The following B3GALT1 variants were observed in gnomAD, a reference collection of about 807,000 sequenced individuals.
B3GALT1 encodes the protein UDP-Gal:betaGlcNAc beta 1,3-galactosyltransferase, polypeptide 1.
In B3GALT1, 10 loss-of-function variants were observed where a neutral mutation model predicts 23.2. That is an observed-to-expected ratio of 0.43 (90% CI 0.27 to 0.73). The LOEUF is 0.73. B3GALT1 is among the 30% of genes least tolerant of loss of function. The pLI, the probability that B3GALT1 is intolerant of heterozygous loss-of-function variation, is 0.21. For missense variants in B3GALT1, 299 were observed against 405.4 expected, an observed-to-expected ratio of 0.74 and a Z score of 2.25; for synonymous variants, 156 against 141.5, an observed-to-expected ratio of 1.10 and a Z score of -0.73.
At chr2:167,858,261 T>C (rs1439343806) in intron 4 of B3GALT1, among the ~76,000 whole-genome samples, 1 of 151,674 alleles carries the variant, frequency 6.6e-6, no homozygotes, top group Non-Finnish European at 1.5e-5. Flanking sequence ...ATATAGGCTC[T>C]GTCAAGTAAA....
intron 2 of B3GALT1, among the ~76,000 whole-genome samples, chr2:167,605,010 G>A (rs758429862): frequency 5.3e-5 from 8 of 152,166 alleles, no homozygotes; most frequent in African/African-American, 9.7e-5. Flanking sequence ...ATTACAGTGC[G>A]TACAATGGAA....
intron 2 of B3GALT1, among the ~76,000 whole-genome samples, chr2:167,549,492 T>C (rs1293670765): frequency 2.0e-5 from 3 of 152,208 alleles, no homozygotes; most frequent in Admixed American, 6.5e-5. Context: ...AAGTCATTAA[T>C]ACGGCATTTC....
chr2:167,533,814 T>A (rs542829543), intron 2 of B3GALT1, among the ~76,000 whole-genome samples: 91 of 152,338 alleles, frequency 6.0e-4, no homozygotes, highest in African/African-American at 2.1e-3. Context: ...GAGTACATCC[T>A]TTAAAAGGTC....
intron 1 of B3GALT1, among the ~76,000 whole-genome samples, chr2:167,465,545 T>C (rs13419259): frequency 0.19 from 29,622 of 151,958 alleles, 5,066 homozygotes; most frequent in African/African-American, 0.47. Flanking sequence ...CTCCCTTGCA[T>C]CTTGTTAATA....
intron 1 of B3GALT1, among the ~76,000 whole-genome samples, chr2:167,308,411 C>T (rs1172818939): frequency 3.9e-5 from 6 of 151,920 alleles, no homozygotes; most frequent in African/African-American, 1.2e-4. Context: ...TCTTAGACAT[C>T]GACTGTAATT....
At chr2:167,538,244 C>A (rs1233602608) in intron 2 of B3GALT1, among the ~76,000 whole-genome samples, 1 of 152,124 alleles carries the variant, frequency 6.6e-6, no homozygotes, top group African/African-American at 2.4e-5. Flanking sequence ...TACTAGAAAA[C>A]AAACAAGCAA....
At chr2:167,678,630 C>G (rs1686471093) in intron 3 of B3GALT1, among the ~76,000 whole-genome samples, 1 of 152,078 alleles carries the variant, frequency 6.6e-6, no homozygotes, top group African/African-American at 2.4e-5. Context: ...AACTTTAACT[C>G]AAAAATGTAT....
chr2:167,390,112 C>T (rs1697997385), intron 1 of B3GALT1, among the ~76,000 whole-genome samples: 2 of 152,014 alleles, frequency 1.3e-5, no homozygotes, highest in African/African-American at 2.4e-5. Context: ...AGGACGAACC[C>T]TTCACTGCAC....
At chr2:167,859,277 G>A (rs1690055161) in intron 4 of B3GALT1, among the ~76,000 whole-genome samples, 1 of 152,056 alleles carries the variant, frequency 6.6e-6, no homozygotes, top group Non-Finnish European at 1.5e-5. Context: ...ATCCATCACT[G>A]TAAAGGAAGC....
chr2:167,658,779 T>A (rs1400952632), intron 3 of B3GALT1, among the ~76,000 whole-genome samples: 1 of 152,106 alleles, frequency 6.6e-6, no homozygotes, highest in Non-Finnish European at 1.5e-5. Flanking sequence ...GAGAACTGAT[T>A]ATAGTGTACA....
intron 1 of B3GALT1, among the ~76,000 whole-genome samples, chr2:167,366,173 T>G: frequency 6.6e-6 from 1 of 152,224 alleles, no homozygotes; most frequent in African/African-American, 2.4e-5. Flanking sequence ...TAGCAACACT[T>G]GGTTTATGAA....
chr2:167,537,719 CCTTA>C (rs1003118397), intron 2 of B3GALT1, among the ~76,000 whole-genome samples: 1 of 152,142 alleles, frequency 6.6e-6, no homozygotes, highest in Non-Finnish European at 1.5e-5. Flanking sequence ...TAAACCTTTT[CCTTA>C]CTTCTGCTCC....
chr2:167,656,638 C>T (rs1685959918), intron 3 of B3GALT1, among the ~76,000 whole-genome samples: 1 of 152,118 alleles, frequency 6.6e-6, no homozygotes, highest in Non-Finnish European at 1.5e-5. Flanking sequence ...ACAGTAATGA[C>T]AAGGCATTCA....
chr2:167,521,248 T>G (rs978200248), intron 2 of B3GALT1, among the ~76,000 whole-genome samples: 1 of 152,144 alleles, frequency 6.6e-6, no homozygotes, highest in African/African-American at 2.4e-5. Context: ...TGTCTTATCC[T>G]TCTTAGTGCC....
At chr2:167,353,041 GAA>G (rs1157276413) in intron 1 of B3GALT1, among the ~76,000 whole-genome samples, 1 of 152,116 alleles carries the variant, frequency 6.6e-6, no homozygotes, top group Non-Finnish European at 1.5e-5. Context: ...AAGTAGAAGG[GAA>G]AGAGACCTAT....
chr2:167,866,763 G>C (rs1056223991), intron 4 of B3GALT1, among the ~76,000 whole-genome samples: 1 of 152,170 alleles, frequency 6.6e-6, no homozygotes, highest in Admixed American at 6.5e-5. Context: ...AATGGAGTAG[G>C]AAAGTATGCA....
intron 2 of B3GALT1, among the ~76,000 whole-genome samples, chr2:167,584,415 A>G (rs1684550290): frequency 6.6e-6 from 1 of 152,088 alleles, no homozygotes; most frequent in South Asian, 2.1e-4. Context: ...CGTTTTTCCT[A>G]TTCTCTACTC....
chr2:167,495,432 C>T (rs1470233910), intron 2 of B3GALT1, among the ~76,000 whole-genome samples: 1 of 144,060 alleles, frequency 6.9e-6, no homozygotes, highest in Non-Finnish European at 1.5e-5. Flanking sequence ...CTCCTAGGTT[C>T]AAGTGATTCT....
chr2:167,394,868 T>A (rs1241904509), intron 1 of B3GALT1, among the ~76,000 whole-genome samples: 1 of 152,162 alleles, frequency 6.6e-6, no homozygotes, highest in East Asian at 1.9e-4. Flanking sequence ...CTTTCTGTCT[T>A]CCTCCCTTTG....
Sources: gnomAD v4.1 joint callset for allele counts (sites outside exome capture counted in the v4.1 genomes callset) on GRCh38, gnomAD v4.1.1 for gene constraint, MANE v1.5 for transcripts, NCBI Gene and HGNC (gene_info 2026-07-23, HGNC 2026-07-21) for gene names.